AFAP1L2: variants seen among roughly 807,000 people sequenced by gnomAD.
AFAP1L2 encodes the protein actin filament associated protein 1 like 2.
A neutral mutation model predicts 99.3 loss-of-function variants in AFAP1L2; 46 were observed. The ratio of observed to expected loss-of-function variants is 0.46; its 90% CI spans 0.37 to 0.59. The LOEUF is 0.59. Among genes scored for constraint, AFAP1L2 ranks in the 20% least tolerant of loss-of-function variants. The pLI is 0.00. For synonymous variants in AFAP1L2, 397 were observed against 419.1 expected (o/e 0.95, Z 0.64); for missense variants, 959 against 1,034.9 (o/e 0.93, Z 1.01).
chr10:114,396,589 C>CA (rs1307312298), intron 1 of AFAP1L2, among the ~76,000 whole-genome samples: 17 of 152,254 alleles, frequency 1.1e-4, no homozygotes, highest in South Asian at 6.2e-4. Flanking sequence ...CTGCCAAAAA[C>CA]AAAAAGTCAA....
chr10:114,388,495 G>A (rs1011503614), intron 1 of AFAP1L2, among the ~76,000 whole-genome samples: 4 of 152,014 alleles, frequency 2.6e-5, no homozygotes, highest in Admixed American at 1.3e-4. Context: ...CTTTCTTCAC[G>A]TTGACTCATT....
At chr10:114,289,406 G>T in the AFAP1L2 span, 8 of 1,614,212 alleles carry the variant, frequency 5.0e-6, no homozygotes, top group Non-Finnish European at 6.8e-6. Flanking sequence ...AGGCTTGCAG[G>T]TCCCCGGGAT....
intron 1 of AFAP1L2, among the ~76,000 whole-genome samples, chr10:114,395,583 C>G (rs1694321976): frequency 6.6e-6 from 1 of 151,932 alleles, no homozygotes; most frequent in African/African-American, 2.4e-5. Context: ...ATACAGTGAA[C>G]ATGAATAAAT....
At chr10:114,319,084 G>A (rs925927778) in intron 5 of AFAP1L2, among the ~76,000 whole-genome samples, 2 of 152,162 alleles carry the variant, frequency 1.3e-5, no homozygotes. Flanking sequence ...AACCTGGGAG[G>A]TGAAGGTTGC....
downstream of AFAP1L2, chr10:114,290,022 G>T: frequency 1.4e-5 from 6 of 440,872 alleles, no homozygotes; most frequent in African/African-American, 2.0e-5. Context: ...TCTGCCATGT[G>T]TATGGCACGT....
At chr10:114,386,216 G>T (rs1420533247) in intron 1 of AFAP1L2, among the ~76,000 whole-genome samples, 1 of 152,062 alleles carries the variant, frequency 6.6e-6, no homozygotes, top group Non-Finnish European at 1.5e-5. Context: ...GGAAATGAGG[G>T]AAATGATGGA....
At chr10:114,389,818 T>C (rs1250011357) in intron 1 of AFAP1L2, among the ~76,000 whole-genome samples, 1 of 152,194 alleles carries the variant, frequency 6.6e-6, no homozygotes, top group Non-Finnish European at 1.5e-5. Flanking sequence ...CAGAAATTAA[T>C]ATGAAGGAAA....
chr10:114,295,881 G>T lies in AFAP1L2; in HGVS notation c.*161C>A. ...TATTATTTCCTTTGGCTCTGAAAAG[G>T]GACAGAGCCTCCTCTTAGCTGAAGC... On this transcript the variant is annotated 3_prime_UTR_variant, in exon 19 of 19. Transcript: ENST00000304129. 4 of 1,509,404 alleles carry T rather than the reference G, an allele frequency of 2.7e-6. No individual in the cohort carries two copies. In the South Asian group the frequency reaches 5.5e-5, roughly 21 times the overall value. The allele number at this position is 1,509,404 out of a possible 1,614,324, so 93.5% of individuals were successfully genotyped here. A position where few individuals can be genotyped will look rare whatever the true frequency, so the allele number is the denominator to read the frequency against.
Position 114,331,824 on chromosome 10 carries a change from TG to T in AFAP1L2, c.293del (p.Pro98GlnfsTer8). ...QHSSAPQKSLPDLPPPKMIPE... is the reference protein window; with the variant it reads ...QHSSAPQKSLXDLPPPKMIPE... ...TTACCATCTTGGGTGGCGGGAGGTC[TG>T]GAAGGCTCTTCTGAGGGGCCGAGGA... On this transcript the variant is annotated frameshift_variant, in exon 4 of 19. Transcript: ENST00000304129. LOFTEE classifies it high-confidence loss of function. 1.4e-6 allele frequency: 2 copies of T among 1,394,616 alleles called. No individual in the cohort carries two copies. Among genetic ancestry groups the T allele is most frequent in the Non-Finnish European group, 9.4e-7 (1 of 1,065,964 alleles). The allele number at this position is 1,394,616 out of a possible 1,614,324, so 86.4% of individuals were successfully genotyped here.
upstream of AFAP1L2, chr10:114,404,510 C>T (rs1470390420): frequency 2.0e-6 from 3 of 1,519,582 alleles, no homozygotes; most frequent in Non-Finnish European, 2.6e-6. Context: ...TCTCCCGGCG[C>T]TCGGCTCAGC....
chr10:114,297,961 T>C (rs7074398), intron 16 of AFAP1L2, among the ~76,000 whole-genome samples: 4,422 of 152,258 alleles, frequency 0.029, 239 homozygotes, highest in African/African-American at 0.1. Context: ...ATGTACCACA[T>C]AGAGTCCTGA....
intron 5 of AFAP1L2, among the ~76,000 whole-genome samples, chr10:114,316,681 A>G (rs115440265): frequency 3.7e-4 from 56 of 152,298 alleles, no homozygotes; most frequent in African/African-American, 1.3e-3. Flanking sequence ...CTACTGCTCT[A>G]TTCAAGGACA....
chr10:114,315,294 G>T (rs192464087), intron 6 of AFAP1L2, among the ~76,000 whole-genome samples: 22 of 152,286 alleles, frequency 1.4e-4, no homozygotes, highest in African/African-American at 4.3e-4. Context: ...AGAGGAGGAT[G>T]GGATGGGGAT....
At chr10:114,290,299 G>C (rs45560935), downstream of AFAP1L2, 10,596 of 1,550,596 alleles carry the variant, frequency 6.8e-3, 51 homozygotes, top group Non-Finnish European at 8.3e-3. Flanking sequence ...GGGCAGCTGC[G>C]TCCTGCAGAA....
intron 1 of AFAP1L2, among the ~76,000 whole-genome samples, chr10:114,399,127 T>C (rs1410870478): frequency 6.6e-6 from 1 of 152,240 alleles, no homozygotes; most frequent in Non-Finnish European, 1.5e-5. Flanking sequence ...ACTATGCAGC[T>C]GGCAGTGTGC....
intron 1 of AFAP1L2, among the ~76,000 whole-genome samples, chr10:114,376,912 C>T (rs1019733408): frequency 1.3e-5 from 2 of 152,072 alleles, no homozygotes; most frequent in South Asian, 4.2e-4. Flanking sequence ...AAGTCACCAC[C>T]CACAGAGCCA....
chr10:114,288,964 G>C, the AFAP1L2 span: 3 of 1,612,510 alleles, frequency 1.9e-6, no homozygotes, highest in East Asian at 4.5e-5. Context: ...CCTGGACCTC[G>C]TCTTCATGTT....
At chr10:114,287,164 G>A in the AFAP1L2 span, among the ~76,000 whole-genome samples, 1 of 152,216 alleles carries the variant, frequency 6.6e-6, no homozygotes, top group African/African-American at 2.4e-5. Flanking sequence ...CATGGCCAGA[G>A]ATGTAGTAGC....
intron 1 of AFAP1L2, among the ~76,000 whole-genome samples, chr10:114,354,502 C>T (rs756253299): frequency 5.9e-5 from 9 of 152,112 alleles, no homozygotes; most frequent in Admixed American, 1.3e-4. Context: ...GGACCTATCC[C>T]ATATGGTTCA....
Sources: allele counts gnomAD v4.1 joint callset (sites outside exome capture counted in the v4.1 genomes callset), GRCh38; gene constraint gnomAD v4.1.1; transcripts MANE v1.5; gene names NCBI Gene and HGNC (gene_info 2026-07-23, HGNC 2026-07-21).